SLC18B1: variants seen among roughly 807,000 people sequenced by gnomAD.
SLC18B1 encodes solute carrier family 18 member B1, also known as MFS-type transporter SLC18B1.
In SLC18B1, 62 loss-of-function variants were observed where a neutral mutation model predicts 53.9. That is an observed-to-expected ratio of 1.15 (90% confidence interval 0.94 to 1.42). The LOEUF is 1.42. Among genes scored for constraint, SLC18B1 ranks in the 40% most tolerant of loss-of-function variants. The pLI, the probability that SLC18B1 is intolerant of heterozygous loss-of-function variation, is 0.00. For missense variants in SLC18B1, 598 were observed against 547.3 expected, an observed-to-expected ratio of 1.09 and a Z score of -0.93; for synonymous variants, 217 against 200.9, an observed-to-expected ratio of 1.08 and a Z score of -0.68.
chr6:132,792,354 A>G (rs959989886), intron 2 of SLC18B1, among the ~76,000 whole-genome samples: 2 of 111,532 alleles, frequency 1.8e-5, no homozygotes. Context: ...GAAGGAAGGA[A>G]GGGAAAGAAA....
At chr6:132,775,623 T>C (rs1781080445) in intron 8 of SLC18B1, among the ~76,000 whole-genome samples, 1 of 152,272 alleles carries the variant, frequency 6.6e-6, no homozygotes, top group Non-Finnish European at 1.5e-5. Flanking sequence ...ACAGTACTAA[T>C]TCTGTACTCT....
At chr6:132,792,296 G>GAAGGAAGA (rs1781560694) in intron 2 of SLC18B1, among the ~76,000 whole-genome samples, 13 of 29,598 alleles carry the variant, frequency 4.4e-4, no homozygotes, top group Non-Finnish European at 7.3e-4. Context: ...AGAAAGGAAG[G>GAAGGAAGA]AAGGAAGGAA....
rs1781404960 is a variant in SLC18B1 at position 132,787,452 on chromosome 6, A to G, written c.483T>C (p.Asn161=). ...TACATACCAATACCGTAGCCACGTT[A>G]TTTGGAAAAGCCTTTGCCAGGATAG... is the stretch of plus-strand genomic sequence containing the variant. ...SSSILAKAFP[N]NVATVLGSLE... is the part of the protein sequence containing the mutation. Residue 161 remains asparagine (N), a synonymous_variant, in exon 5 of 14, where the codon AAT becomes AAC. Coordinates refer to ENST00000275227, the MANE Select transcript of SLC18B1 (RefSeq NM_052831.3). 1.6e-5 allele frequency: 25 copies of G among 1,599,536 alleles called. No homozygotes were observed. The highest frequency in any genetic ancestry group is 2.1e-5 in the Non-Finnish European group (25 of 1,175,786).
intron 7 of SLC18B1, 99 bp from the exon 8 acceptor site, chr6:132,776,528 A>G (rs1045028344): frequency 7.6e-6 from 6 of 793,438 alleles, no homozygotes; most frequent in Non-Finnish European, 1.2e-5. Context: ...TATTACCATG[A>G]GTCTACTAAT....
Position 132,789,772 on chromosome 6 carries a change from A to G in SLC18B1, c.345T>C (p.Ile115=), listed in dbSNP as rs1378613784. 6.2e-7 allele frequency: 1 copy of G among 1,612,022 alleles called. No individual in the cohort carries two copies. Among genetic ancestry groups the G allele is most frequent in the Non-Finnish European group, 8.5e-7 (1 of 1,178,278 alleles). ...AGMFVSGGVT[I]LFGVLDRVPD... is the part of the protein sequence containing the mutation. The stretch of plus-strand genomic sequence containing the variant: ...ATCAGAAAATGACTTACCCAAAGAG[A>G]ATTGTAACTCCTCCTGAGACAAACA... Residue 115 remains isoleucine, a synonymous_variant, in exon 4 of 14, where the codon ATT becomes ATC. Transcript: ENST00000275227.
chr6:132,775,686 T>TTTTTG (rs1177102646), intron 8 of SLC18B1, among the ~76,000 whole-genome samples: 3 of 152,216 alleles, frequency 2.0e-5, no homozygotes, highest in Non-Finnish European at 2.9e-5. Context: ...AGAAGGGTTT[T>TTTTTG]TTTTGTTTTG....
Position 132,779,260 on chromosome 6 carries a change from T to C in SLC18B1, c.795+8A>G. On this transcript the variant is annotated splice_region_variant and intron_variant, in intron 7 of 13. Coordinates refer to ENST00000275227, the MANE Select transcript of SLC18B1 (RefSeq NM_052831.3). Reference sequence around the variant, plus strand: ...AATGCAGCACTCTTCAGCAATCAGGTAACTTACCTTCTCCAAAACAAAGAG... The same window carrying C: ...AATGCAGCACTCTTCAGCAATCAGGCAACTTACCTTCTCCAAAACAAAGAG... 1 of 1,613,544 alleles carries C rather than the reference T, an allele frequency of 6.2e-7. No individual in the cohort carries two copies. The highest frequency in any genetic ancestry group is 8.5e-7 in the Non-Finnish European group (1 of 1,179,586).
At chr6:132,779,776 T>C (rs978870611) in intron 6 of SLC18B1, among the ~76,000 whole-genome samples, 9 of 152,162 alleles carry the variant, frequency 5.9e-5, no homozygotes, top group Non-Finnish European at 1.0e-4. Flanking sequence ...GACTGGGTAA[T>C]TTATAAAGGA....
chr6:132,789,998 A>C (rs908265637), intron 3 of SLC18B1, among the ~76,000 whole-genome samples, 161 bp from the exon 4 acceptor site: 3 of 152,228 alleles, frequency 2.0e-5, no homozygotes, highest in African/African-American at 7.2e-5. Flanking sequence ...CATTGCTTAA[A>C]AACATGGAAA....
Position 132,798,398 on chromosome 6 carries a change from C to T in SLC18B1, c.43+16G>A. 6.6e-7 allele frequency: 1 copy of T among 1,521,102 alleles called. No individual in the cohort carries two copies. Among genetic ancestry groups the T allele is most frequent in the Non-Finnish European group, 8.8e-7 (1 of 1,131,870 alleles). 94.2% of individuals were successfully genotyped at this position (1,521,102 alleles called of 1,614,324 possible). A position where few individuals can be genotyped will look rare whatever the true frequency, so the allele number is the denominator to read the frequency against. On this transcript the variant is annotated intron_variant, in intron 1 of 13. Transcript: ENST00000275227. ...CCGCTGGTCTCCGGGCTCCCGGCCA[C>T]GCAATTCATGGTCACCTCCTGGTGC...
chr6:132,790,360 C>A, intron 2 of SLC18B1, 88 bp from the exon 3 acceptor site: 1 of 870,594 alleles, frequency 1.1e-6, no homozygotes. Flanking sequence ...GCATCATCTT[C>A]TTGTGAACTT....
Position 132,798,614 on chromosome 6 carries a change from C to T in SLC18B1, c.-158G>A. 1.4e-6 allele frequency: 1 copy of T among 714,858 alleles called. No homozygotes were observed. The highest frequency in any genetic ancestry group is 2.0e-6 in the Non-Finnish European group (1 of 492,344). The allele number at this position is 714,858 out of a possible 1,614,324, so 44.3% of individuals were successfully genotyped here. On this transcript the variant is annotated 5_prime_UTR_variant, in exon 1 of 14. Transcript: ENST00000275227. The stretch of plus-strand genomic sequence containing the variant: ...AGGCAGCGATCCGCCCGGCCCGGAG[C>T]TCCCCAAAGCCTTCCAGGACTCTGG...
Position 132,770,176 on chromosome 6 carries a change from T to G in SLC18B1, c.*94A>C. On this transcript the variant is annotated 3_prime_UTR_variant, in exon 14 of 14. Transcript: ENST00000275227. ...GACACTGGCACGGGGTCCACGGAGT[T>G]TTGCGCGTAAAATTTTAAAAACCCT... 1 of 1,026,682 alleles carries G rather than the reference T, an allele frequency of 9.7e-7. No homozygotes were observed. The highest frequency in any genetic ancestry group is 1.5e-6 in the Non-Finnish European group (1 of 663,456). 63.6% of individuals were successfully genotyped at this position (1,026,682 alleles called of 1,614,324 possible).
intron 2 of SLC18B1, among the ~76,000 whole-genome samples, chr6:132,793,656 CATAAG>C (rs1376145917): frequency 1.3e-5 from 2 of 152,204 alleles, no homozygotes; most frequent in Non-Finnish European, 2.9e-5. Flanking sequence ...TTTTCCTACA[CATAAG>C]ATAACATCTA....
chr6:132,785,419 T>C (rs1397300226), intron 5 of SLC18B1, among the ~76,000 whole-genome samples: 3 of 152,258 alleles, frequency 2.0e-5, no homozygotes, highest in Non-Finnish European at 2.9e-5. Context: ...TGCAACATTT[T>C]AAATCAATCT....
chr6:132,774,819 G>T (rs753588162), intron 8 of SLC18B1, among the ~76,000 whole-genome samples: 3 of 151,972 alleles, frequency 2.0e-5, no homozygotes, highest in Non-Finnish European at 4.4e-5. Context: ...GCTGAGGCAG[G>T]AGAATTGCTT....
chr6:132,770,429 C>A (rs1780939493), intron 13 of SLC18B1, 93 bp from the exon 14 acceptor site: 19 of 1,148,072 alleles, frequency 1.7e-5, no homozygotes. Context: ...CTCCATCCAA[C>A]TATCTTTTTA....
At chr6:132,784,327 G>A (rs534971650) in intron 5 of SLC18B1, among the ~76,000 whole-genome samples, 19 of 151,892 alleles carry the variant, frequency 1.3e-4, no homozygotes, top group African/African-American at 4.6e-4. Context: ...AAACACAGAA[G>A]ATAAAAAAGA....
At chr6:132,779,134 T>C in intron 7 of SLC18B1, 134 bp downstream of exon 7, 2 of 931,038 alleles carry the variant, frequency 2.1e-6, no homozygotes, top group Non-Finnish European at 3.1e-6. Context: ...AGGGACACGC[T>C]ACCTCGGTGT....
Sources: gnomAD v4.1 joint callset for allele counts (sites outside exome capture counted in the v4.1 genomes callset) on GRCh38, gnomAD v4.1.1 for gene constraint, MANE v1.5 for transcripts, NCBI Gene and HGNC (gene_info 2026-07-23, HGNC 2026-07-21) for gene names.